Variants in ANKRD45 observed in about 807,000 individuals in gnomAD.
The protein encoded by ANKRD45 is ankyrin repeat domain-containing protein 45.
In ANKRD45, 21 loss-of-function variants were observed where a neutral mutation model predicts 28.1. The observed-to-expected ratio is 0.75, with a 90% CI of 0.53 to 1.08. ANKRD45 has a LOEUF of 1.08. ANKRD45 is among the 50% of genes least tolerant of loss of function. The pLI is 0.00. For synonymous variants in ANKRD45, 86 were observed against 103.9 expected, an observed-to-expected ratio of 0.83 and a Z score of 1.05; for missense variants, 261 against 308.7, an observed-to-expected ratio of 0.85 and a Z score of 1.16.
At chr1:173,646,694 A>G (rs969389109) in intron 3 of ANKRD45, 152 bp downstream of exon 3, 9 of 729,866 alleles carry the variant, frequency 1.2e-5, no homozygotes, top group Admixed American at 8.1e-5. Context: ...CAAAACAAAG[A>G]AAGAGGGGGA....
chr1:173,616,684 C>A (rs558626215), intron 5 of ANKRD45, among the ~76,000 whole-genome samples: 1 of 152,050 alleles, frequency 6.6e-6, no homozygotes, highest in African/African-American at 2.4e-5. Context: ...AGGTTTTTCC[C>A]GAAATATAGA....
At chr1:173,619,416 T>C (rs528894562) in intron 5 of ANKRD45, among the ~76,000 whole-genome samples, 1 of 151,760 alleles carries the variant, frequency 6.6e-6, no homozygotes, top group South Asian at 2.1e-4. Flanking sequence ...AAGACACACA[T>C]AGGCTCAAAA....
chr1:173,690,076 C>G, the ANKRD45 span, among the ~76,000 whole-genome samples: 1 of 119,526 alleles, frequency 8.4e-6, no homozygotes, highest in Non-Finnish European at 1.8e-5. Context: ...CCCCCCCCCC[C>G]GACCTCCCTT....
the ANKRD45 span, among the ~76,000 whole-genome samples, chr1:173,680,986 G>C: frequency 1.3e-5 from 2 of 150,426 alleles, no homozygotes; most frequent in Non-Finnish European, 1.5e-5. Flanking sequence ...GAGGCGGGGT[G>C]GGGGAGATAG....
the ANKRD45 span, among the ~76,000 whole-genome samples, chr1:173,700,795 T>C: frequency 5.9e-5 from 9 of 152,104 alleles, no homozygotes; most frequent in African/African-American, 2.2e-4. Context: ...CCAAAAGCAA[T>C]GGCAACAAAA....
At chr1:173,639,669 A>C (rs1185507358) in intron 3 of ANKRD45, among the ~76,000 whole-genome samples, 1 of 152,212 alleles carries the variant, frequency 6.6e-6, no homozygotes, top group African/African-American at 2.4e-5. Context: ...ATCACCTCCA[A>C]GGGGGAGGGA....
chr1:173,619,827 CAAAAA>C (rs112235355), intron 5 of ANKRD45, among the ~76,000 whole-genome samples: 1 of 90,698 alleles, frequency 1.1e-5, no homozygotes, highest in African/African-American at 3.9e-5. Context: ...GACTCCATCT[CAAAAA>C]AAAAAAAAAG....
At chr1:173,671,069 A>G (rs567526868), upstream of ANKRD45, among the ~76,000 whole-genome samples, 1 of 152,248 alleles carries the variant, frequency 6.6e-6, no homozygotes, top group East Asian at 1.9e-4. Context: ...AACGTTGCCT[A>G]AGTTTCATTA....
At chr1:173,709,973 G>A in the ANKRD45 span, among the ~76,000 whole-genome samples, 2 of 152,118 alleles carry the variant, frequency 1.3e-5, no homozygotes, top group African/African-American at 2.4e-5. Context: ...TACCGCAATC[G>A]TAATTAAACA....
chr1:173,649,200 T>C (rs758810551), intron 2 of ANKRD45, among the ~76,000 whole-genome samples: 4 of 152,194 alleles, frequency 2.6e-5, no homozygotes, highest in Non-Finnish European at 5.9e-5. Context: ...TTATGTCTTC[T>C]TGTAAGCATG....
chr1:173,640,542 T>C (rs1356341411), intron 3 of ANKRD45, among the ~76,000 whole-genome samples: 1 of 152,192 alleles, frequency 6.6e-6, no homozygotes, highest in African/African-American at 2.4e-5. Context: ...TTATATACCT[T>C]CTATATTGCT....
chr1:173,654,563 C>A (rs1245770407), intron 2 of ANKRD45, among the ~76,000 whole-genome samples: 1 of 152,142 alleles, frequency 6.6e-6, no homozygotes, highest in African/African-American at 2.4e-5. Flanking sequence ...GTGAATCTGA[C>A]AATTATGTGT....
At chr1:173,686,408 G>A in the ANKRD45 span, among the ~76,000 whole-genome samples, 5 of 152,086 alleles carry the variant, frequency 3.3e-5, no homozygotes, top group Non-Finnish European at 5.9e-5. Context: ...CTTGACTTGG[G>A]TGTGATGAGT....
At chr1:173,652,462 G>A (rs1404636196) in intron 2 of ANKRD45, among the ~76,000 whole-genome samples, 3 of 152,130 alleles carry the variant, frequency 2.0e-5, no homozygotes, top group Non-Finnish European at 4.4e-5. Flanking sequence ...TGATCATGGT[G>A]GATAAGCTTT....
chr1:173,635,925 G>C (rs1668418903), intron 3 of ANKRD45: 2 of 1,089,018 alleles, frequency 1.8e-6, no homozygotes, highest in African/African-American at 1.6e-5. Context: ...CTTTGAGAGA[G>C]GGTACCGTGT....
chr1:173,696,124 C>G, the ANKRD45 span, among the ~76,000 whole-genome samples: 77 of 152,244 alleles, frequency 5.1e-4, no homozygotes, highest in Middle Eastern at 3.4e-3. Flanking sequence ...TTTTATGGCT[C>G]AGGGGGCATG....
At chr1:173,700,935 C>A in the ANKRD45 span, among the ~76,000 whole-genome samples, 1 of 152,154 alleles carries the variant, frequency 6.6e-6, no homozygotes, top group East Asian at 1.9e-4. Flanking sequence ...TGACAAAGGG[C>A]TAATATCCAG....
At chr1:173,615,843 C>T (rs1377868316) in intron 5 of ANKRD45, among the ~76,000 whole-genome samples, 3 of 152,172 alleles carry the variant, frequency 2.0e-5, no homozygotes, top group Non-Finnish European at 2.9e-5. Flanking sequence ...GTGGCTCACA[C>T]CTGTAATCCC....
At chr1:173,635,572 C>T in intron 3 of ANKRD45, 1 of 1,534,988 alleles carries the variant, frequency 6.5e-7, no homozygotes, top group Non-Finnish European at 8.7e-7. Context: ...TTATCTGCTT[C>T]TTCGGGGAGA....
Sources: allele counts gnomAD v4.1 joint callset (sites outside exome capture counted in the v4.1 genomes callset), GRCh38; gene constraint gnomAD v4.1.1; transcripts MANE v1.5; gene names NCBI Gene and HGNC (gene_info 2026-07-23, HGNC 2026-07-21).